The following ZNF469 variants were observed in gnomAD, a reference collection of about 807,000 sequenced individuals.
ZNF469 encodes the protein zinc finger protein 469.
In ZNF469, 1 loss-of-function variant was observed where a neutral mutation model predicts 1.0. The ratio of observed to expected loss-of-function variants is 1.00; its 90% CI spans 0.35 to 4.73. ZNF469 has a LOEUF of 4.73. Ranked by LOEUF, ZNF469 falls within the 30% of genes most tolerant of loss-of-function variation. ZNF469 has a pLI of 0.16. For missense variants in ZNF469, 6,100 were observed against 5,356.3 expected (o/e 1.14, Z -4.33); for synonymous variants, 2,703 against 2,363.4 (o/e 1.14, Z -4.17).
chr16:88,386,183 C>T (rs916584327), intron 1 of ZNF469, among the ~76,000 whole-genome samples: 3 of 152,170 alleles, frequency 2.0e-5, no homozygotes, highest in African/African-American at 7.2e-5. Flanking sequence ...TTGGTTCATT[C>T]TAGACCTGCA....
the ZNF469 span, among the ~76,000 whole-genome samples, chr16:88,152,407 G>A: frequency 2.6e-5 from 4 of 152,142 alleles, no homozygotes; most frequent in African/African-American, 7.2e-5. The surrounding 1 kb of genome is among the most constrained non-coding windows in gnomAD (Gnocchi z 4.2). Context: ...CTGCTTTTCC[G>A]TCTATGGTGC....
chr16:88,226,163 A>C, the ZNF469 span, among the ~76,000 whole-genome samples: 1 of 152,098 alleles, frequency 6.6e-6, no homozygotes, highest in African/African-American at 2.4e-5. Context: ...AACGTCTTCC[A>C]CCTTGTTAAA....
chr16:88,373,477 C>G, the ZNF469 span, among the ~76,000 whole-genome samples: 1 of 152,162 alleles, frequency 6.6e-6, no homozygotes, highest in Admixed American at 6.5e-5. Context: ...CAGAAAGTCC[C>G]CTTGGGAGAT....
At chr16:88,153,885 C>T in the ZNF469 span, among the ~76,000 whole-genome samples, 1 of 152,186 alleles carries the variant, frequency 6.6e-6, no homozygotes, top group Non-Finnish European at 1.5e-5. Context: ...CTCCTCCTCT[C>T]CCTAGGGGGC....
At chr16:88,399,143 G>T (rs62047072) in intron 1 of ZNF469, among the ~76,000 whole-genome samples, 39,415 of 152,186 alleles carry the variant, frequency 0.26, 5,736 homozygotes, top group African/African-American at 0.4. Context: ...GCATGTGGCT[G>T]GCAGTTTGGC....
the ZNF469 span, among the ~76,000 whole-genome samples, chr16:88,245,124 C>T: frequency 6.6e-6 from 1 of 152,170 alleles, no homozygotes; most frequent in African/African-American, 2.4e-5. Flanking sequence ...GGTCATGTTG[C>T]TATGAGGGAG....
At chr16:88,244,388 C>T in the ZNF469 span, among the ~76,000 whole-genome samples, 3 of 84,054 alleles carry the variant, frequency 3.6e-5, no homozygotes, top group African/African-American at 1.4e-4. Context: ...TGGGTGAATG[C>T]ATGGGTGGAT....
the ZNF469 span, among the ~76,000 whole-genome samples, chr16:88,319,438 G>A: frequency 2.6e-5 from 4 of 152,212 alleles, no homozygotes; most frequent in African/African-American, 7.2e-5. Context: ...CCCCAGGGAG[G>A]AGGAGGCAGT....
the ZNF469 span, among the ~76,000 whole-genome samples, chr16:88,144,017 G>A: frequency 6.8e-5 from 10 of 146,372 alleles, no homozygotes; most frequent in Non-Finnish European, 1.3e-4. Flanking sequence ...CGTGCCAGGC[G>A]CAGGGGAAAC....
chr16:88,272,721 G>A, the ZNF469 span, among the ~76,000 whole-genome samples: 1 of 151,720 alleles, frequency 6.6e-6, no homozygotes. Flanking sequence ...TGGGTGTATG[G>A]ATAGACGAGT....
Position 88,438,601 on chromosome 16 carries a change from C to G in ZNF469, c.11131C>G (p.Leu3711Val), listed in dbSNP as rs1906775242. ...KAVGSLAPGELARGTENGMKP... is the reference protein window; with the variant it reads ...KAVGSLAPGEVARGTENGMKP... ...GGTGGGGAGCCTGGCACCCGGGGAG[C>G]TGGCCCGTGGCACAGAGAATGGGAT... The change falls in exon 3 of 3, where the codon CTG (leucine) becomes GTG (valine). Residue 3711 changes from leucine to valine, a missense_variant. Transcript: ENST00000565624. 1.3e-6 allele frequency: 2 copies of G among 1,549,986 alleles called. No homozygotes were observed. Among genetic ancestry groups the G allele is most frequent in the Non-Finnish European group, 1.7e-6 (2 of 1,146,932 alleles).
chr16:88,251,563 T>G, the ZNF469 span, among the ~76,000 whole-genome samples: 2 of 107,478 alleles, frequency 1.9e-5, no homozygotes, highest in South Asian at 3.2e-4. Flanking sequence ...TTTTTTTTTT[T>G]TTTTTTTTTT....
intron 1 of ZNF469, among the ~76,000 whole-genome samples, chr16:88,401,839 G>A (rs1036091648): frequency 2.6e-5 from 4 of 151,550 alleles, no homozygotes; most frequent in Non-Finnish European, 4.4e-5. Context: ...ATGGATGGTG[G>A]ATGGATGGAT....
chr16:88,241,777 C>T, the ZNF469 span, among the ~76,000 whole-genome samples: 9 of 152,158 alleles, frequency 5.9e-5, no homozygotes, highest in Non-Finnish European at 1.2e-4. The surrounding 1 kb of genome is among the most constrained non-coding windows in gnomAD (Gnocchi z 4.8). Flanking sequence ...AAGGAGCATG[C>T]TTGGGGCCGG....
At chr16:88,228,778 A>G in the ZNF469 span, among the ~76,000 whole-genome samples, 1 of 152,084 alleles carries the variant, frequency 6.6e-6, no homozygotes, top group East Asian at 1.9e-4. Flanking sequence ...CTGGAAAACA[A>G]TTTTCATACA....
chr16:88,282,665 T>C, the ZNF469 span, among the ~76,000 whole-genome samples: 1 of 152,194 alleles, frequency 6.6e-6, no homozygotes, highest in Non-Finnish European at 1.5e-5. Context: ...GCTCAGCCGT[T>C]AAGCAGCTTT....
intron 1 of ZNF469, among the ~76,000 whole-genome samples, chr16:88,409,506 A>G (rs1423440667): frequency 6.6e-6 from 1 of 152,170 alleles, no homozygotes; most frequent in Non-Finnish European, 1.5e-5. Flanking sequence ...CCACGTGCTC[A>G]GGGCAGCAGC....
At chr16:88,208,809 TC>T in the ZNF469 span, among the ~76,000 whole-genome samples, 2 of 122,342 alleles carry the variant, frequency 1.6e-5, no homozygotes, top group African/African-American at 3.4e-5. Flanking sequence ...ACACACTCTC[TC>T]TCTCTCTCTC....
intron 1 of ZNF469, among the ~76,000 whole-genome samples, chr16:88,395,197 G>A (rs577806747): frequency 6.6e-6 from 1 of 151,810 alleles, no homozygotes; most frequent in Non-Finnish European, 1.5e-5. Flanking sequence ...GTAGGTAGGT[G>A]GGTATGTGGA....
Sources: gnomAD v4.1 joint callset for allele counts (sites outside exome capture counted in the v4.1 genomes callset) on GRCh38, gnomAD v4.1.1 for gene constraint, Gnocchi (gnomAD v3.1) non-coding constraint, MANE v1.5 for transcripts, NCBI Gene and HGNC (gene_info 2026-07-23, HGNC 2026-07-21) for gene names.